Variants in BCL2 observed in about 807,000 individuals in gnomAD.
BCL2 encodes the protein BCL2 apoptosis regulator.
A neutral mutation model predicts 14.2 loss-of-function variants in BCL2; 1 was observed. The ratio of observed to expected loss-of-function variants is 0.07; its 90% CI spans 0.02 to 0.33. The LOEUF (loss-of-function observed/expected upper bound fraction) is 0.33. Among genes scored for constraint, BCL2 ranks in the 10% least tolerant of loss-of-function variants. The pLI is 0.99. For missense variants in BCL2, 247 were observed against 305.9 expected, an observed-to-expected ratio of 0.81 and a Z score of 1.44; for synonymous variants, 151 against 137.2, an observed-to-expected ratio of 1.10 and a Z score of -0.70.
intron 2 of BCL2, among the ~76,000 whole-genome samples, chr18:63,230,606 A>C (rs1910664057): frequency 6.6e-6 from 1 of 152,112 alleles, no homozygotes. Flanking sequence ...AAAAAGAAAG[A>C]GCACAAATAA....
intron 2 of BCL2, among the ~76,000 whole-genome samples, chr18:63,253,621 C>T (rs17758695): frequency 0.021 from 3,128 of 152,122 alleles, 52 homozygotes; most frequent in Non-Finnish European, 0.03. Context: ...TTGAGATGGC[C>T]GTTGGAGATT....
upstream of BCL2, chr18:63,319,891 C>T (rs1913644328): frequency 5.7e-6 from 1 of 175,292 alleles, no homozygotes; most frequent in African/African-American, 2.4e-5. Flanking sequence ...CGCACCCCGC[C>T]TCCGGGCTGC....
chr18:63,263,060 C>T lies in BCL2; in HGVS notation c.585+55022G>A, dbSNP rs78352105. On this transcript the variant is annotated intron_variant, in intron 2 of 2. Coordinates refer to ENST00000333681, the MANE Select transcript of BCL2 (RefSeq NM_000633.3). ...AAGAGAGGAGATAACTGAAGACTTT[C>T]ACAGAGGGGCTGAAATCCTTCCCGG... 1.6e-3 allele frequency among the ~76,000 whole-genome samples: 240 copies of T among 152,280 alleles called. 1 individual carries two copies. The highest frequency in any genetic ancestry group is 5.4e-3 in the African/African-American group (226 of 41,558).
chr18:63,169,098 C>T (rs67645778), intron 2 of BCL2, among the ~76,000 whole-genome samples: 14,065 of 152,190 alleles, frequency 0.092, 1,117 homozygotes, highest in African/African-American at 0.21. Context: ...ATGGGCTTCC[C>T]AGCACTACAG....
At chr18:63,129,985 A>G (rs1417086057) in intron 2 of BCL2, among the ~76,000 whole-genome samples, 1 of 152,176 alleles carries the variant, frequency 6.6e-6, no homozygotes, top group Admixed American at 6.5e-5. Flanking sequence ...GGTCCCTGAG[A>G]GACAAAAAGT....
chr18:63,309,220 G>A (rs1340556647), intron 2 of BCL2, among the ~76,000 whole-genome samples: 1 of 152,114 alleles, frequency 6.6e-6, no homozygotes, highest in Non-Finnish European at 1.5e-5. Flanking sequence ...GTAGCATTTA[G>A]GACCACTTAG....
At chr18:63,213,649 G>A (rs751686533) in intron 2 of BCL2, among the ~76,000 whole-genome samples, 11 of 151,748 alleles carry the variant, frequency 7.2e-5, no homozygotes, top group African/African-American at 1.5e-4. Context: ...GAGTTAAAAC[G>A]AGAACCCTAC....
chr18:63,317,965 T>C (rs1256051464), intron 2 of BCL2, 117 bp downstream of exon 2: 1 of 1,488,958 alleles, frequency 6.7e-7, no homozygotes, highest in East Asian at 2.5e-5. Context: ...GCAACAACTC[T>C]GATTTTATTT....
chr18:63,142,309 C>T (rs1435762406), intron 2 of BCL2, among the ~76,000 whole-genome samples: 1 of 152,210 alleles, frequency 6.6e-6, no homozygotes, highest in Admixed American at 6.5e-5. Context: ...AGCCTCCAGC[C>T]CTGCCTTGTC....
At chr18:63,157,119 A>T (rs1376336973) in intron 2 of BCL2, among the ~76,000 whole-genome samples, 1 of 152,256 alleles carries the variant, frequency 6.6e-6, no homozygotes, top group Non-Finnish European at 1.5e-5. Flanking sequence ...GGAATTAAGT[A>T]TGCATCTGGG....
intron 2 of BCL2, among the ~76,000 whole-genome samples, chr18:63,206,151 G>A (rs1261811709): frequency 6.6e-6 from 1 of 152,158 alleles, no homozygotes; most frequent in African/African-American, 2.4e-5. Context: ...CTCCCAGGGG[G>A]ATGTGCTCGG....
chr18:63,132,379 G>A (rs1040617363), intron 2 of BCL2, among the ~76,000 whole-genome samples: 5 of 152,178 alleles, frequency 3.3e-5, no homozygotes, highest in African/African-American at 1.2e-4. Context: ...TACTCAACCT[G>A]CCCTTCCCCC....
At chr18:63,156,532 T>C (rs1914787206) in intron 2 of BCL2, among the ~76,000 whole-genome samples, 1 of 152,170 alleles carries the variant, frequency 6.6e-6, no homozygotes, top group Admixed American at 6.5e-5. Context: ...TAGATTATTG[T>C]TAGGTGCTAC....
chr18:63,276,225 C>T (rs1365574532), intron 2 of BCL2, among the ~76,000 whole-genome samples: 2 of 152,174 alleles, frequency 1.3e-5, no homozygotes. Flanking sequence ...GAAACCTCAG[C>T]CTCCCCTTCA....
At chr18:63,209,974 C>T (rs907410744) in intron 2 of BCL2, among the ~76,000 whole-genome samples, 4 of 152,158 alleles carry the variant, frequency 2.6e-5, no homozygotes, top group Admixed American at 6.5e-5. Flanking sequence ...GCATGATCCC[C>T]TCAAAGACAG....
chr18:63,234,344 G>A (rs999629849), intron 2 of BCL2, among the ~76,000 whole-genome samples: 3 of 152,136 alleles, frequency 2.0e-5, no homozygotes, highest in African/African-American at 7.2e-5. Context: ...TGCAGTATTT[G>A]GTTTTCTGTT....
Position 63,139,303 on chromosome 18 carries a change from A to C in BCL2, c.586-10544T>G, listed in dbSNP as rs182410439. Among the ~76,000 whole-genome samples, 13 of 152,382 alleles carry C rather than the reference A, an allele frequency of 8.5e-5. No homozygotes were observed. In the East Asian group the frequency reaches 2.3e-3, roughly 27 times the overall value. On this transcript the variant is annotated intron_variant, in intron 2 of 2. Transcript: ENST00000333681. ...CAAAAAGTGCTAAAAATATGTTAAT[A>C]GTTATGCTATTTGGTTCACCAGGTT...
At chr18:63,151,606 A>G (rs1914653756) in intron 2 of BCL2, among the ~76,000 whole-genome samples, 1 of 152,184 alleles carries the variant, frequency 6.6e-6, no homozygotes, top group South Asian at 2.1e-4. Flanking sequence ...GTGGGTTTCA[A>G]AACAAAATCT....
In BCL2 at chr18:63,124,935, T is replaced by C. The variant is rs963133136; in HGVS notation, c.*3690A>G. The C allele has an allele frequency of 4.5e-6, 1 of 222,734 alleles. No individual in the cohort carries two copies. Among genetic ancestry groups the C allele is most frequent in the Non-Finnish European group, 9.0e-6 (1 of 111,186 alleles). 13.8% of individuals were successfully genotyped at this position (222,734 alleles called of 1,614,324 possible). A position where few individuals can be genotyped will look rare whatever the true frequency, so the allele number is the denominator to read the frequency against. On this transcript the variant is annotated 3_prime_UTR_variant, in exon 3 of 3. Coordinates refer to ENST00000333681, the MANE Select transcript of BCL2 (RefSeq NM_000633.3). ...AACAGCCACTGCCTTAAAAGTACAGTTGGAATTAATTAGAGTTTAAGTTCA... is the reference window on the plus strand; with the variant it reads ...AACAGCCACTGCCTTAAAAGTACAGCTGGAATTAATTAGAGTTTAAGTTCA...
Sources: allele counts gnomAD v4.1 joint callset (sites outside exome capture counted in the v4.1 genomes callset), GRCh38; gene constraint gnomAD v4.1.1; transcripts MANE v1.5; gene names NCBI Gene and HGNC (gene_info 2026-07-23, HGNC 2026-07-21).